The following NFIC variants were observed in gnomAD, a reference collection of about 807,000 sequenced individuals.
NFIC encodes the protein nuclear factor I C.
NFIC carries 12 observed loss-of-function variants against 54.4 expected under a neutral mutation model. The observed-to-expected ratio is 0.22, with a 90% CI of 0.14 to 0.36. The LOEUF (loss-of-function observed/expected upper bound fraction) is 0.36, where lower values mean the gene tolerates loss of function less well. NFIC is among the 10% of genes least tolerant of loss of function. The pLI is 1.00. For synonymous variants in NFIC, 322 were observed against 319.2 expected, an observed-to-expected ratio of 1.01 and a Z score of -0.09; for missense variants, 575 against 718.2, an observed-to-expected ratio of 0.80 and a Z score of 2.28.
In NFIC at chr19:3,452,355, G is replaced by A; in HGVS notation, c.1085-127G>A. 1.6e-6 allele frequency: 2 copies of A among 1,256,432 alleles called. No individual in the cohort carries two copies. Among genetic ancestry groups the A allele is most frequent in the Non-Finnish European group, 2.2e-6 (2 of 903,236 alleles). 77.8% of individuals were successfully genotyped at this position (1,256,432 alleles called of 1,614,324 possible). A position where few individuals can be genotyped will look rare whatever the true frequency, so the allele number is the denominator to read the frequency against. On this transcript the variant is annotated intron_variant, in intron 7 of 10. Coordinates refer to ENST00000443272, the MANE Select transcript of NFIC (RefSeq NM_001245002.2). The surrounding 1 kb of genome is among the most constrained non-coding windows in gnomAD (Gnocchi z 5.3). The stretch of plus-strand genomic sequence containing the variant: ...GTGGTCAGTGCTGCTGGGTTTTTTT[G>A]GTGGTTATTGTTACTAAACGCACTG...
chr19:3,360,913 T>G (rs767054833), intron 1 of NFIC, among the ~76,000 whole-genome samples: 1 of 152,178 alleles, frequency 6.6e-6, no homozygotes, highest in East Asian at 1.9e-4. Context: ...TGCCGCTTGC[T>G]GTGTGCGAGT....
At chr19:3,396,200 G>A (rs900551962) in intron 2 of NFIC, among the ~76,000 whole-genome samples, 7 of 152,148 alleles carry the variant, frequency 4.6e-5, no homozygotes, top group African/African-American at 1.7e-4. Flanking sequence ...GGCCGGGCGC[G>A]GCGGCTCACG....
At chr19:3,387,710 A>C (rs1396537577) in intron 2 of NFIC, among the ~76,000 whole-genome samples, 1 of 151,042 alleles carries the variant, frequency 6.6e-6, no homozygotes, top group East Asian at 2.0e-4. Context: ...GAAGGCCTGG[A>C]GCCCAGGAGC....
At chr19:3,382,434 G>C (rs1361622634) in intron 2 of NFIC, among the ~76,000 whole-genome samples, 191 bp downstream of exon 2, 1 of 151,374 alleles carries the variant, frequency 6.6e-6, no homozygotes, top group Non-Finnish European at 1.5e-5. Context: ...GGAGGAGGCT[G>C]GTGGGTATAG....
chr19:3,375,345 T>C lies in NFIC; in HGVS notation c.31-6367T>C, dbSNP rs2081087270. On this transcript the variant is annotated intron_variant, in intron 1 of 10. Transcript: ENST00000443272. The surrounding 1 kb of genome is among the most constrained non-coding windows in gnomAD (Gnocchi z 4.6). ...GCAGGTCCTGCGCCTCTATGGGTCC[T>C]CTCTGCCGCGTCCCACTGTGCCCCC... Among the ~76,000 whole-genome samples the C allele has an allele frequency of 6.6e-6, 1 of 152,112 alleles. No individual in the cohort carries two copies. The highest frequency in any genetic ancestry group is 1.5e-5 in the Non-Finnish European group (1 of 68,006).
chr19:3,416,615 G>A (rs980262590), intron 2 of NFIC, among the ~76,000 whole-genome samples: 29 of 151,218 alleles, frequency 1.9e-4, no homozygotes, highest in African/African-American at 5.6e-4. Context: ...TCCGCCTCCC[G>A]GGTTCAAGAA....
At chr19:3,404,194 G>A (rs1054926947) in intron 2 of NFIC, among the ~76,000 whole-genome samples, 5 of 142,992 alleles carry the variant, frequency 3.5e-5, no homozygotes, top group Admixed American at 7.1e-5. Context: ...GGGGGTGGGG[G>A]TGTGGGGAGG....
intron 6 of NFIC, among the ~76,000 whole-genome samples, chr19:3,440,580 G>A (rs982548911): frequency 6.6e-6 from 1 of 152,024 alleles, no homozygotes; most frequent in Non-Finnish European, 1.5e-5. Flanking sequence ...ACAGGTGCCC[G>A]CCACCACGGC....
chr19:3,388,548 C>T (rs912686118), intron 2 of NFIC, among the ~76,000 whole-genome samples: 8 of 152,016 alleles, frequency 5.3e-5, no homozygotes, highest in East Asian at 1.9e-4. Context: ...TGAGGCCAGG[C>T]GAGGTGGCTC....
rs1234366925 is a variant in NFIC at position 3,456,558 on chromosome 19, C to G, written c.1432C>G (p.Pro478Ala). Residue 478 changes from proline to alanine, a missense_variant, in exon 10 of 11, where the codon CCG (proline) becomes GCG (alanine). Pro to Ala is a conservative substitution (Grantham distance 27, BLOSUM62 -1). This residue lies in a region of NFIC where 447 missense variants were observed against 526.9 expected (regional missense o/e 0.85). Coordinates refer to ENST00000443272, the MANE Select transcript of NFIC (RefSeq NM_001245002.2). ...CTCTCTCCTCCCTGCAGCCTACTCT[C>G]CGCCCGACACGTCCCCTGCAAACCG... ...ATSPTSPSYS[P>A]PDTSPANRSF... 2 of 1,552,330 alleles carry G rather than the reference C, an allele frequency of 1.3e-6. No homozygotes were observed. The highest frequency in any genetic ancestry group is 2.7e-5 in the African/African-American group (2 of 73,076).
rs2082487616 is a variant in NFIC, at chr19:3,452,745, C to T, written c.1269+79C>T. The T allele has an allele frequency of 6.7e-7, 1 of 1,483,190 alleles. No homozygotes were observed. The highest frequency in any genetic ancestry group is 9.0e-7 in the Non-Finnish European group (1 of 1,109,066). 91.9% of individuals were successfully genotyped at this position (1,483,190 alleles called of 1,614,324 possible). On this transcript the variant is annotated intron_variant, in intron 8 of 10. Coordinates refer to ENST00000443272, the MANE Select transcript of NFIC (RefSeq NM_001245002.2). This position sits in a 1 kb window ranked among gnomAD's most constrained non-coding sequence, Gnocchi z 5.3. ...CGGGGGCCACGTGCTCACACGAAGG[C>T]ACAACCTCTGCTTAAAAGGGTCTTG...
intron 2 of NFIC, among the ~76,000 whole-genome samples, chr19:3,397,008 A>C (rs2081475680): frequency 6.6e-6 from 1 of 151,918 alleles, no homozygotes; most frequent in Admixed American, 6.6e-5. Context: ...TGTGTCATCT[A>C]GTGGGAGGCA....
intron 2 of NFIC, among the ~76,000 whole-genome samples, chr19:3,397,335 G>A (rs1323436426): frequency 6.6e-6 from 1 of 152,238 alleles, no homozygotes; most frequent in Non-Finnish European, 1.5e-5. Context: ...GGGTATGGCA[G>A]GGACTGCCCT....
At position 3,369,864 on chromosome 19, in the gene NFIC, C is replaced by T. The variant is rs1321205034; in HGVS notation, c.30+3198C>T. On this transcript the variant is annotated intron_variant, in intron 1 of 10. Transcript: ENST00000443272. The surrounding 1 kb of genome is among the most constrained non-coding windows in gnomAD (Gnocchi z 4.3). ...GCCACCTCCATCCCGCCACCGGGTC[C>T]CTGTCTCATTCGTTCGTTGTTTCCT... Among the ~76,000 whole-genome samples the T allele has an allele frequency of 6.6e-6, 1 of 152,220 alleles. No individual in the cohort carries two copies. The highest frequency in any genetic ancestry group is 1.5e-5 in the Non-Finnish European group (1 of 68,034).
chr19:3,421,251 GCAC>G (rs2081949399), intron 2 of NFIC, among the ~76,000 whole-genome samples: 1 of 147,448 alleles, frequency 6.8e-6, no homozygotes, highest in African/African-American at 2.7e-5. Flanking sequence ...TGCCAGCTGG[GCAC>G]TGCGGCCTGC....
intron 2 of NFIC, among the ~76,000 whole-genome samples, chr19:3,404,850 C>T (rs1227471627): frequency 2.0e-5 from 3 of 152,190 alleles, no homozygotes; most frequent in Non-Finnish European, 4.4e-5. Context: ...AGACCCGCTG[C>T]CCAGGCCGGA....
chr19:3,466,848 A>G lies in NFIC; in HGVS notation c.*4079A>G, dbSNP rs1048673096. 1 of 152,236 alleles carries G rather than the reference A, an allele frequency of 6.6e-6. No individual in the cohort carries two copies. The highest frequency in any genetic ancestry group is 1.9e-4 in the East Asian group (1 of 5,168). 9.4% of individuals were successfully genotyped at this position (152,236 alleles called of 1,614,324 possible). A position where few individuals can be genotyped will look rare whatever the true frequency, so the allele number is the denominator to read the frequency against. On this transcript the variant is annotated 3_prime_UTR_variant, in exon 11 of 11. Transcript: ENST00000443272. This position sits in a 1 kb window ranked among gnomAD's most constrained non-coding sequence, Gnocchi z 4.8. Reference sequence around the variant, plus strand: ...CACCCCGAGCTTGCCTCCTTGGCTCACTTGGCACCTTGGCTGAGTACAGCA... The same window carrying G: ...CACCCCGAGCTTGCCTCCTTGGCTCGCTTGGCACCTTGGCTGAGTACAGCA...
At position 3,370,962 on chromosome 19, in the gene NFIC, A is replaced by G. The variant is rs996540635; in HGVS notation, c.30+4296A>G. 2.0e-5 allele frequency among the ~76,000 whole-genome samples: 3 copies of G among 152,198 alleles called. No individual in the cohort carries two copies. Among genetic ancestry groups the G allele is most frequent in the Admixed American group, 6.6e-5 (1 of 15,264 alleles). The stretch of plus-strand genomic sequence containing the variant: ...ATCCATGAGCACACGCTGGGCGCAC[A>G]CGCGTGCACACTCCCTGACACCCAT... On this transcript the variant is annotated intron_variant, in intron 1 of 10. Coordinates refer to ENST00000443272, the MANE Select transcript of NFIC (RefSeq NM_001245002.2). The surrounding 1 kb of genome is among the most constrained non-coding windows in gnomAD (Gnocchi z 5.2).
At position 3,463,495 on chromosome 19, in the gene NFIC, G is replaced by C; in HGVS notation, c.*726G>C. 1 of 985,236 alleles carries C rather than the reference G, an allele frequency of 1.0e-6. No individual in the cohort carries two copies. Among genetic ancestry groups the C allele is most frequent in the Non-Finnish European group, 1.2e-6 (1 of 829,922 alleles). The allele number at this position is 985,236 out of a possible 1,614,324, so 61.0% of individuals were successfully genotyped here. A position where few individuals can be genotyped will look rare whatever the true frequency, so the allele number is the denominator to read the frequency against. On this transcript the variant is annotated 3_prime_UTR_variant, in exon 11 of 11. Transcript: ENST00000443272. ...ACCTGCTGCCCCTCGAGGGGGCCCT[G>C]CCTGCCGCGGGGCCTCCCCACAAGC...
Sources: gnomAD v4.1 joint callset for allele counts (sites outside exome capture counted in the v4.1 genomes callset) on GRCh38, gnomAD v4.1.1 for gene constraint, gnomAD v4.1.1 regional missense constraint, Gnocchi (gnomAD v3.1) non-coding constraint, MANE v1.5 for transcripts, NCBI Gene and HGNC (gene_info 2026-07-23, HGNC 2026-07-21) for gene names.